SYT10: variants seen among roughly 807,000 people sequenced by gnomAD.
The protein encoded by SYT10 is synaptotagmin 10, also known as synaptotagmin-10.
SYT10 carries 31 observed loss-of-function variants against 51.1 expected under a neutral mutation model. The ratio of observed to expected loss-of-function variants is 0.61; its 90% CI spans 0.46 to 0.82. SYT10 has a LOEUF of 0.82. Ranked by LOEUF, SYT10 falls within the 40% of genes least tolerant of loss-of-function variation. The pLI, the probability that SYT10 is intolerant of heterozygous loss-of-function variation, is 0.00. For missense variants in SYT10, 603 were observed against 634.0 expected (o/e 0.95, Z 0.53); for synonymous variants, 233 against 225.9 (o/e 1.03, Z -0.28).
intron 2 of SYT10, among the ~76,000 whole-genome samples, chr12:33,425,802 C>T (rs574557822): frequency 2.0e-4 from 31 of 152,198 alleles, no homozygotes; most frequent in Middle Eastern, 3.4e-3. Flanking sequence ...CAAGTAGCAG[C>T]TATCAACTAA....
chr12:33,382,895 T>A (rs1866128209), intron 4 of SYT10, among the ~76,000 whole-genome samples: 1 of 152,202 alleles, frequency 6.6e-6, no homozygotes, highest in African/African-American at 2.4e-5. Flanking sequence ...AAAAAAATGA[T>A]ACTTACAAGT....
chr12:33,413,592 A>G (rs1309302610), intron 2 of SYT10, among the ~76,000 whole-genome samples: 1 of 152,184 alleles, frequency 6.6e-6, no homozygotes, highest in Non-Finnish European at 1.5e-5. Context: ...TAAGCTTCAT[A>G]AGTGAAGGAG....
chr12:33,395,885 C>G (rs570928742), intron 3 of SYT10, among the ~76,000 whole-genome samples: 2 of 152,154 alleles, frequency 1.3e-5, no homozygotes, highest in African/African-American at 4.8e-5. Context: ...TTTCCTTTCT[C>G]TTTAGTATAT....
chr12:33,389,999 A>G (rs1866189752), intron 3 of SYT10, among the ~76,000 whole-genome samples: 1 of 152,246 alleles, frequency 6.6e-6, no homozygotes. Context: ...TTGGTATAAC[A>G]TGAGGTGCTC....
intron 1 of SYT10, among the ~76,000 whole-genome samples, chr12:33,438,322 T>C (rs1260032670): frequency 6.6e-6 from 1 of 152,166 alleles, no homozygotes; most frequent in African/African-American, 2.4e-5. Context: ...AATGGCAACC[T>C]TCCAGTCGAA....
chr12:33,407,567 T>C (rs1393568206), intron 2 of SYT10, among the ~76,000 whole-genome samples: 3 of 152,202 alleles, frequency 2.0e-5, no homozygotes, highest in African/African-American at 7.2e-5. Flanking sequence ...TTCCAGAACA[T>C]CTGAAACACT....
chr12:33,414,221 C>T (rs551787456), intron 2 of SYT10, among the ~76,000 whole-genome samples: 2 of 152,180 alleles, frequency 1.3e-5, no homozygotes, highest in East Asian at 1.9e-4. Flanking sequence ...TTAGACTCCC[C>T]CACAATAATA....
At chr12:33,422,580 C>T (rs1029448406) in intron 2 of SYT10, among the ~76,000 whole-genome samples, 9 of 151,958 alleles carry the variant, frequency 5.9e-5, no homozygotes, top group African/African-American at 9.7e-5. Flanking sequence ...ATTTTATCTT[C>T]CATTATTCCT....
chr12:33,432,453 G>A (rs1453284684), intron 1 of SYT10: 1 of 151,876 alleles, frequency 6.6e-6, no homozygotes, highest in East Asian at 1.9e-4. Flanking sequence ...TTAATTAATG[G>A]CTCTAGTACA....
intron 1 of SYT10, among the ~76,000 whole-genome samples, chr12:33,429,032 G>A (rs1416271039): frequency 2.0e-5 from 3 of 152,160 alleles, no homozygotes; most frequent in Admixed American, 1.3e-4. Flanking sequence ...ACGTGGAGTT[G>A]ATGAAGGTGT....
At chr12:33,430,160 G>T (rs1381311599) in intron 1 of SYT10, among the ~76,000 whole-genome samples, 1 of 152,176 alleles carries the variant, frequency 6.6e-6, no homozygotes, top group Non-Finnish European at 1.5e-5. Context: ...ACATACACAT[G>T]CATAAACATT....
intron 3 of SYT10, among the ~76,000 whole-genome samples, chr12:33,397,169 A>G (rs1206406453): frequency 6.6e-6 from 1 of 152,174 alleles, no homozygotes; most frequent in African/African-American, 2.4e-5. Context: ...TAATTAGGAA[A>G]CATTTTCTTT....
Position 33,382,341 on chromosome 12 carries a change from A to G in SYT10, c.1370+8T>C. 6.3e-7 allele frequency: 1 copy of G among 1,584,578 alleles called. No individual in the cohort carries two copies. The highest frequency in any genetic ancestry group is 8.6e-7 in the Non-Finnish European group (1 of 1,166,792). Reference sequence around the variant, plus strand: ...GCTGCTCTTCAGTGAGAAGAGAGATACACATACCTATCGTAATCCATGACC... The same window carrying G: ...GCTGCTCTTCAGTGAGAAGAGAGATGCACATACCTATCGTAATCCATGACC... On this transcript the variant is annotated splice_region_variant and intron_variant, in intron 5 of 6. Transcript: ENST00000228567.
In SYT10 at chr12:33,407,055, C is replaced by T. The variant is rs370609371; in HGVS notation, c.811G>A (p.Val271Met). 66 of 1,614,056 alleles carry T rather than the reference C, an allele frequency of 4.1e-5. No homozygotes were observed. Among genetic ancestry groups the T allele is most frequent in the Non-Finnish European group, 5.2e-5 (61 of 1,180,032 alleles). The part of the protein sequence containing the change: ...KDFTGTSDPY[V>M]KMYLLPDRKK... ...CTATCTGGAAGAAGATACATCTTCA[C>T]ATAAGGGTCAGAAGTTCCTGTGAAG... Residue 271 changes from valine (V) to methionine (M), a missense_variant, in exon 3 of 7, where the codon GTG becomes ATG. By Grantham distance (21) the Val-to-Met change is conservative. Transcript: ENST00000228567.
intron 3 of SYT10, among the ~76,000 whole-genome samples, chr12:33,387,066 C>A (rs180979947): frequency 8.5e-5 from 13 of 152,160 alleles, no homozygotes; most frequent in African/African-American, 2.9e-4. Context: ...GGCAGGTTTA[C>A]TTTTGGGGGA....
intron 1 of SYT10, 66 bp downstream of exon 1, chr12:33,439,306 A>G (rs1866663948): frequency 6.5e-7 from 1 of 1,547,138 alleles, no homozygotes. Flanking sequence ...AGAACCCCGG[A>G]GCTTGCAGCC....
At position 33,376,190 on chromosome 12, in the gene SYT10, T is replaced by G. The variant is rs1456728484; in HGVS notation, c.*640A>C. 6.6e-6 allele frequency: 1 copy of G among 152,202 alleles called. No individual in the cohort carries two copies. The highest frequency in any genetic ancestry group is 1.5e-5 in the Non-Finnish European group (1 of 68,036). 9.4% of individuals were successfully genotyped at this position (152,202 alleles called of 1,614,324 possible). ...AGCCAATAAGTATTACTTCTTAAAT[T>G]TATATTCAAAATGATTCTTTAAATT... On this transcript the variant is annotated 3_prime_UTR_variant, in exon 7 of 7. Transcript: ENST00000228567.
chr12:33,424,711 T>C (rs1262250093), intron 2 of SYT10, among the ~76,000 whole-genome samples: 7 of 151,720 alleles, frequency 4.6e-5, no homozygotes, highest in Non-Finnish European at 1.0e-4. Flanking sequence ...TATTGGACAA[T>C]TATTTTATAG....
rs1592001894 is a variant in SYT10, at chr12:33,439,722, G to C, written c.-200C>G. The C allele has an allele frequency of 9.8e-6, 6 of 610,958 alleles. No homozygotes were observed. Among genetic ancestry groups the C allele is most frequent in the East Asian group, 3.1e-5 (1 of 32,022 alleles). The allele number at this position is 610,958 out of a possible 1,614,324, so 37.8% of individuals were successfully genotyped here. A position where few individuals can be genotyped will look rare whatever the true frequency, so the allele number is the denominator to read the frequency against. ...GAGCGGAGGGCGTAGGGGAAGGAGAGGCGCGCGAGGAGGCTGCGGCTGCCG... is the reference window on the plus strand; with the variant it reads ...GAGCGGAGGGCGTAGGGGAAGGAGACGCGCGCGAGGAGGCTGCGGCTGCCG... On this transcript the variant is annotated 5_prime_UTR_variant, in exon 1 of 7. Transcript: ENST00000228567.
Sources: allele counts gnomAD v4.1 joint callset (sites outside exome capture counted in the v4.1 genomes callset), GRCh38; gene constraint gnomAD v4.1.1; transcripts MANE v1.5; gene names NCBI Gene and HGNC (gene_info 2026-07-23, HGNC 2026-07-21).